Variants in MTX3 observed in about 807,000 individuals in gnomAD.
The protein encoded by MTX3 is metaxin 3, also known as metaxin-3.
Under a neutral mutation model 42.5 loss-of-function variants are expected in MTX3, and 27 were observed. That is an observed-to-expected ratio of 0.64 (90% CI 0.47 to 0.88). The LOEUF (loss-of-function observed/expected upper bound fraction) is 0.88. MTX3 is among the 40% of genes least tolerant of loss of function. The pLI, the probability that MTX3 is intolerant of heterozygous loss-of-function variation, is 0.00. For synonymous variants in MTX3, 144 were observed against 132.9 expected (o/e 1.08, Z -0.57); for missense variants, 378 against 367.0 (o/e 1.03, Z -0.25).
In MTX3 at chr5:79,985,589, T is replaced by C; in HGVS notation, c.810A>G (p.Glu270=). 1 of 1,611,254 alleles carries C rather than the reference T, an allele frequency of 6.2e-7. No individual in the cohort carries two copies. Among genetic ancestry groups the C allele is most frequent in the African/African-American group, 1.3e-5 (1 of 74,980 alleles). Residue 270 remains glutamate, a synonymous_variant, in exon 8 of 9, where the codon GAA becomes GAG. Transcript: ENST00000512528. The part of the protein sequence containing the change: ...LQKLTQLVNK[E]SNLIEKMDDN... The stretch of plus-strand genomic sequence containing the variant: ...ACTTGACCTTTTCAATCAAGTTGGA[T>C]TCCTTATTTACAAGTTGTGTGAGTT...
At chr5:79,983,818 T>C in intron 8 of MTX3, 24 bp from the exon 9 acceptor site, 3 of 1,513,912 alleles carry the variant, frequency 2.0e-6, no homozygotes, top group Non-Finnish European at 1.8e-6. Flanking sequence ...AAAAGATACA[T>C]CTGACTAATG....
chr5:79,988,124 G>GC, intron 6 of MTX3, 115 bp downstream of exon 6: 1 of 692,354 alleles, frequency 1.4e-6, no homozygotes, highest in Non-Finnish European at 2.5e-6. Context: ...CCTAAATCTT[G>GC]TTTTTTTTAA....
At chr5:79,989,595 G>GA (rs771226285) in intron 3 of MTX3, among the ~76,000 whole-genome samples, 6 of 152,074 alleles carry the variant, frequency 3.9e-5, no homozygotes, top group South Asian at 2.1e-4. Flanking sequence ...CAAGACAAAA[G>GA]AAAAAACCTT....
rs1398673751 is a variant in MTX3 at position 79,979,759 on chromosome 5, G to A, written c.*3925C>T. On this transcript the variant is annotated 3_prime_UTR_variant, in exon 9 of 9. Coordinates refer to ENST00000512528, the MANE Select transcript of MTX3 (RefSeq NM_001363818.2). ...AGGGAAAAGGAGTTTTTGGTTTTAG[G>A]GTTTTTTTTTTCTTTTCTGGTAAGG... 1.3e-5 allele frequency: 2 copies of A among 151,160 alleles called. No individual in the cohort carries two copies. The highest frequency in any genetic ancestry group is 3.9e-4 in the East Asian group (2 of 5,170). The allele number at this position is 151,160 out of a possible 1,614,324, so 9.4% of individuals were successfully genotyped here.
chr5:79,985,924 G>GTT (rs59185045), intron 7 of MTX3, among the ~76,000 whole-genome samples: 8,195 of 98,116 alleles, frequency 0.084, 281 homozygotes, highest in Middle Eastern at 0.13. Context: ...ACAATAATTA[G>GTT]TTTTTTTTTT....
Position 79,985,664 on chromosome 5 carries a change from G to A in MTX3, c.740-5C>T. 6.2e-7 allele frequency: 1 copy of A among 1,603,742 alleles called. No individual in the cohort carries two copies. The highest frequency in any genetic ancestry group is 8.5e-7 in the Non-Finnish European group (1 of 1,171,824). On this transcript the variant is annotated splice_region_variant and splice_polypyrimidine_tract_variant and intron_variant, in intron 7 of 8. Coordinates refer to ENST00000512528, the MANE Select transcript of MTX3 (RefSeq NM_001363818.2). ...CTTGTCCAGCTGGAGAGATGCCTAA[G>A]AAGCCAGGACAGAAATCAGAGAAAG... is the stretch of plus-strand genomic sequence containing the variant.
chr5:79,990,809 G>A (rs1056278033), intron 1 of MTX3, 146 bp from the exon 2 acceptor site: 28 of 747,646 alleles, frequency 3.7e-5, no homozygotes, highest in Non-Finnish European at 6.5e-5. Flanking sequence ...AAGTAGGGAC[G>A]CGGGCGCCAG....
chr5:79,987,190 A>C (rs980716942), intron 6 of MTX3, 83 bp from the exon 7 acceptor site: 1 of 1,311,930 alleles, frequency 7.6e-7, no homozygotes, highest in African/African-American at 1.5e-5. Context: ...CTGTAATCCC[A>C]GTACTTTGGG....
chr5:79,990,348 G>A lies in MTX3; in HGVS notation c.152-112C>T, dbSNP rs952361972. The A allele has an allele frequency of 2.1e-5, 16 of 768,356 alleles. No homozygotes were observed. In the East Asian group the frequency reaches 4.1e-4, roughly 19 times the overall value. The allele number at this position is 768,356 out of a possible 1,614,324, so 47.6% of individuals were successfully genotyped here. A position where few individuals can be genotyped will look rare whatever the true frequency, so the allele number is the denominator to read the frequency against. On this transcript the variant is annotated intron_variant, in intron 2 of 8. Transcript: ENST00000512528. ...CATTTAGAGGGGAAAAAATGAGTAA[G>A]CTTGTCTTGGTTTTTTTGCTGTTTC...
intron 1 of MTX3, 58 bp from the exon 2 acceptor site, chr5:79,990,721 A>T: frequency 2.4e-6 from 3 of 1,262,016 alleles, no homozygotes; most frequent in African/African-American, 1.5e-5. Flanking sequence ...AAAGCTGCAG[A>T]GCAGCTTTAC....
chr5:79,990,877 G>A lies in MTX3; in HGVS notation c.82-214C>T, dbSNP rs1387840172. ...AGGTCCTGGGGATGCAGAGTAGGGAGGGCGCGCCCCTTGCTTCGGGGTTTC... is the reference window on the plus strand; with the variant it reads ...AGGTCCTGGGGATGCAGAGTAGGGAAGGCGCGCCCCTTGCTTCGGGGTTTC... On this transcript the variant is annotated intron_variant, in intron 1 of 8. Transcript: ENST00000512528. 5.6e-6 allele frequency: 4 copies of A among 709,072 alleles called. No homozygotes were observed. The Admixed American group carries it at 8.0e-5, about 14-fold the overall frequency. 43.9% of individuals were successfully genotyped at this position (709,072 alleles called of 1,614,324 possible).
chr5:79,990,082 AAAT>A, intron 3 of MTX3, 75 bp downstream of exon 3: 3 of 881,122 alleles, frequency 3.4e-6, no homozygotes, highest in South Asian at 2.2e-5. Flanking sequence ...TGGCAAAAAA[AAAT>A]AAATAAATAA....
In MTX3 at chr5:79,983,440, G is replaced by C. The variant is rs1561281123; in HGVS notation, c.*244C>G. The C allele has an allele frequency of 1.1e-5, 6 of 532,350 alleles. No homozygotes were observed. In the South Asian group the frequency reaches 1.3e-4, roughly 11 times the overall value. 33.0% of individuals were successfully genotyped at this position (532,350 alleles called of 1,614,324 possible). A position where few individuals can be genotyped will look rare whatever the true frequency, so the allele number is the denominator to read the frequency against. On this transcript the variant is annotated 3_prime_UTR_variant, in exon 9 of 9. Coordinates refer to ENST00000512528, the MANE Select transcript of MTX3 (RefSeq NM_001363818.2). ...GGCAGTTCTTTGTATACAGTACGAT[G>C]TGTTTTTCTTCCCCGCCCCCCCAAC...
rs982487669 is a variant in MTX3, at chr5:79,979,126, A to C, written c.*4558T>G. On this transcript the variant is annotated 3_prime_UTR_variant, in exon 9 of 9. Transcript: ENST00000512528. ...TTCAATCACAATTTAAGTCCAGGGC[A>C]GGTATCCTGGGCTCCTAGCAAACAC... 11 of 152,722 alleles carry C rather than the reference A, an allele frequency of 7.2e-5. No homozygotes were observed. The East Asian group carries it at 2.1e-3, about 29-fold the overall frequency. 9.5% of individuals were successfully genotyped at this position (152,722 alleles called of 1,614,324 possible).
rs1166721449 is a variant in MTX3, at chr5:79,988,261, A to G, written c.559T>C (p.Ser187Pro). ...LNLLSNRLGTSQFFFGDTPST... is the reference protein window; with the variant it reads ...LNLLSNRLGTPQFFFGDTPST... ...CACGTATCTCCAAAGAAAAACTGAG[A>G]TGTTCCCAATCTGTTTGATAGAAGA... Residue 187 changes from serine to proline, a missense_variant, in exon 6 of 9, where the codon TCT (serine) becomes CCT (proline). Transcript: ENST00000512528. 1.3e-6 allele frequency: 2 copies of G among 1,550,608 alleles called. No individual in the cohort carries two copies. Among genetic ancestry groups the G allele is most frequent in the South Asian group, 1.2e-5 (1 of 84,318 alleles).
chr5:79,989,016 C>T, intron 4 of MTX3, 136 bp downstream of exon 4: 2 of 590,006 alleles, frequency 3.4e-6, no homozygotes, highest in Admixed American at 3.5e-5. Context: ...TCCAGTTTCA[C>T]AGTAATATGA....
chr5:79,983,565 C>A lies in MTX3; in HGVS notation c.*119G>T. ...GTAAAAATAGATGGCATAGAAAGTT[C>A]CTTTTGGTTTAGAGTCTTCCTTAAT... On this transcript the variant is annotated 3_prime_UTR_variant, in exon 9 of 9. Transcript: ENST00000512528. The A allele has an allele frequency of 1.4e-6, 1 of 709,088 alleles. No homozygotes were observed. The highest frequency in any genetic ancestry group is 2.5e-6 in the Non-Finnish European group (1 of 397,202). The allele number at this position is 709,088 out of a possible 1,614,324, so 43.9% of individuals were successfully genotyped here.
At chr5:79,983,828 G>T in intron 8 of MTX3, 34 bp from the exon 9 acceptor site, 1 of 1,428,962 alleles carries the variant, frequency 7.0e-7, no homozygotes, top group Non-Finnish European at 9.8e-7. Context: ...TCTGACTAAT[G>T]CTGTGGCACC....
chr5:79,988,414 T>C (rs780607402), intron 5 of MTX3, 48 bp downstream of exon 5: 2 of 1,576,630 alleles, frequency 1.3e-6, no homozygotes, highest in South Asian at 1.2e-5. Flanking sequence ...CATTTTATCT[T>C]GTCCTTTCTC....
Sources: allele counts gnomAD v4.1 joint callset (sites outside exome capture counted in the v4.1 genomes callset), GRCh38; gene constraint gnomAD v4.1.1; transcripts MANE v1.5; gene names NCBI Gene and HGNC (gene_info 2026-07-23, HGNC 2026-07-21).